ESR1: variants seen among roughly 807,000 people sequenced by gnomAD.
ESR1 encodes estrogen receptor 1.
A neutral mutation model predicts 52.7 loss-of-function variants in ESR1; 12 were observed. The ratio of observed to expected loss-of-function variants is 0.23; its 90% CI spans 0.15 to 0.37. The LOEUF is 0.37. Ranked by LOEUF, ESR1 falls within the 10% of genes least tolerant of loss-of-function variation. The pLI is 1.00. For synonymous variants in ESR1, 305 were observed against 316.8 expected (o/e 0.96, Z 0.39); for missense variants, 584 against 779.7 (o/e 0.75, Z 2.99).
intron 2 of ESR1, among the ~76,000 whole-genome samples, chr6:151,783,311 T>G (rs556775240): frequency 6.6e-6 from 1 of 152,350 alleles, no homozygotes; most frequent in African/African-American, 2.4e-5. Flanking sequence ...GGGGAGATGT[T>G]GGCTATTTTG....
intron 2 of ESR1, among the ~76,000 whole-genome samples, chr6:151,728,102 T>C (rs1562360595): frequency 1.3e-5 from 2 of 152,176 alleles, no homozygotes; most frequent in Non-Finnish European, 2.9e-5. Flanking sequence ...GCTTTGTGTT[T>C]AAAAGCTTGG....
chr6:152,002,811 A>G (rs1336987958), intron 4 of ESR1, among the ~76,000 whole-genome samples: 1 of 152,058 alleles, frequency 6.6e-6, no homozygotes, highest in Non-Finnish European at 1.5e-5. Context: ...GAACAAAAAT[A>G]AAAGACTAGT....
chr6:151,949,978 C>T (rs2128552649), intron 4 of ESR1, among the ~76,000 whole-genome samples: 1 of 152,292 alleles, frequency 6.6e-6, no homozygotes, highest in Admixed American at 6.5e-5. Flanking sequence ...GTAGGAGAGA[C>T]CCATGGCAGG....
At chr6:151,884,880 G>A (rs891106028) in intron 3 of ESR1, among the ~76,000 whole-genome samples, 1 of 152,102 alleles carries the variant, frequency 6.6e-6, no homozygotes, top group African/African-American at 2.4e-5. Flanking sequence ...CAGTTCCTGA[G>A]GCTCGAAGTT....
At chr6:151,679,083 T>G (rs1248399176) in intron 1 of ESR1, among the ~76,000 whole-genome samples, 1 of 152,224 alleles carries the variant, frequency 6.6e-6, no homozygotes, top group African/African-American at 2.4e-5. Flanking sequence ...TTTTCTTTAG[T>G]TGAACTCCAG....
chr6:151,698,131 C>T (rs771586117), intron 1 of ESR1, among the ~76,000 whole-genome samples: 12 of 151,438 alleles, frequency 7.9e-5, no homozygotes, highest in East Asian at 1.9e-4. Context: ...TTTGGGAGGC[C>T]GAGGTGGGTG....
intron 5 of ESR1, among the ~76,000 whole-genome samples, chr6:152,042,145 G>A (rs2045856401): frequency 6.6e-6 from 1 of 152,166 alleles, no homozygotes; most frequent in African/African-American, 2.4e-5. Flanking sequence ...TTTCTAGGTA[G>A]AGGCAGCTGT....
Position 151,932,635 on chromosome 6 carries a change from G to A in ESR1, c.761-11538G>A, listed in dbSNP as rs1482178154. Among the ~76,000 whole-genome samples the A allele has an allele frequency of 6.5e-3, 935 of 143,104 alleles. 13 individuals carry two copies. The highest frequency in any genetic ancestry group is 0.019 in the African/African-American group (729 of 38,364). The allele number at this position is 143,104 out of a possible 152,430, so 93.9% of individuals were successfully genotyped here. On this transcript the variant is annotated intron_variant, in intron 3 of 7. Transcript: ENST00000206249. ...CATCTTGAATTGATTTTTGTATAAG[G>A]TGTAAGGAAGGGATCCAGTTTCAGC...
chr6:152,083,031 A>G (rs1296470489), intron 6 of ESR1, among the ~76,000 whole-genome samples: 1 of 152,218 alleles, frequency 6.6e-6, no homozygotes, highest in Admixed American at 6.5e-5. Context: ...GAAAATGGTC[A>G]TACTGCCCAA....
At chr6:151,971,603 G>A (rs373918742) in intron 4 of ESR1, among the ~76,000 whole-genome samples, 8 of 152,196 alleles carry the variant, frequency 5.3e-5, no homozygotes, top group African/African-American at 1.9e-4. Context: ...AATTCTTTGA[G>A]CTGAATGATA....
In ESR1 at chr6:151,808,366, T is replaced by C; in HGVS notation, c.452+2T>C. 1 of 1,222,804 alleles carries C rather than the reference T, an allele frequency of 8.2e-7. No homozygotes were observed. The highest frequency in any genetic ancestry group is 5.7e-5 in the East Asian group (1 of 17,604). 75.7% of individuals were successfully genotyped at this position (1,222,804 alleles called of 1,614,324 possible). A position where few individuals can be genotyped will look rare whatever the true frequency, so the allele number is the denominator to read the frequency against. Reference sequence around the variant, plus strand: ...GGCCGGCCCGCCGGCATTCTACAGGTACCCGCGCCCGCGCCGCCCGTCGGG... The same window carrying C: ...GGCCGGCCCGCCGGCATTCTACAGGCACCCGCGCCCGCGCCGCCCGTCGGG... On this transcript the variant is annotated splice_donor_variant, in intron 1 of 7. Coordinates refer to ENST00000206249, the MANE Select transcript of ESR1 (RefSeq NM_000125.4). LOFTEE classifies it high-confidence loss of function.
chr6:151,733,025 C>A (rs1021941120), intron 2 of ESR1, among the ~76,000 whole-genome samples: 2 of 152,194 alleles, frequency 1.3e-5, no homozygotes, highest in African/African-American at 4.8e-5. Flanking sequence ...ACCTATGAAC[C>A]TGTGAAAAGC....
intron 3 of ESR1, among the ~76,000 whole-genome samples, chr6:151,940,659 A>C (rs1201880630): frequency 6.6e-6 from 1 of 152,180 alleles, no homozygotes; most frequent in Non-Finnish European, 1.5e-5. Flanking sequence ...TTCTTAGAGA[A>C]GTTTTCTTTG....
chr6:152,009,797 T>C (rs2042620054), intron 4 of ESR1, among the ~76,000 whole-genome samples: 1 of 152,174 alleles, frequency 6.6e-6, no homozygotes, highest in African/African-American at 2.4e-5. Context: ...TCCTAGCAGC[T>C]TTATTTGTAA....
At chr6:152,117,093 TTGAGCCACAGG>T (rs1277602426) in intron 6 of ESR1, among the ~76,000 whole-genome samples, 1 of 152,192 alleles carries the variant, frequency 6.6e-6, no homozygotes, top group African/African-American at 2.4e-5. Context: ...TATTGATTCT[TTGAGCCACAGG>T]TGAGCCAAAC....
chr6:152,123,315 C>T (rs1397845556), intron 6 of ESR1, among the ~76,000 whole-genome samples: 5 of 152,200 alleles, frequency 3.3e-5, no homozygotes, highest in Non-Finnish European at 7.3e-5. Flanking sequence ...AGTCTGTCTA[C>T]AGAACACTGG....
intron 2 of ESR1, among the ~76,000 whole-genome samples, chr6:151,753,354 C>G (rs540686965): frequency 1.5e-3 from 218 of 145,532 alleles, no homozygotes; most frequent in African/African-American, 5.4e-3. Context: ...AGGTCTGACT[C>G]TCGCCCAGGC....
rs9341069 is a variant in ESR1 at position 152,098,891 on chromosome 6, G to A, written c.1713G>A (p.Ala571=). The part of the protein sequence containing the change: ...EETDQSHLAT[A]GSTSSHSLQK... ...CGGACCAAAGCCACTTGGCCACTGCGGGCTCTACTTCATCGCATTCCTTGC... is the reference window on the plus strand; with the variant it reads ...CGGACCAAAGCCACTTGGCCACTGCAGGCTCTACTTCATCGCATTCCTTGC... The change falls in exon 8 of 8, where the codon GCG becomes GCA. Residue 571 remains alanine (A), a synonymous_variant. Transcript: ENST00000206249. This position sits in a 1 kb window ranked among gnomAD's most constrained non-coding sequence, Gnocchi z 5.1. 1.4e-4 allele frequency: 229 copies of A among 1,614,186 alleles called. 2 individuals carry two copies. In the Middle Eastern group the frequency reaches 1.6e-3, roughly 12 times the overall value.
At chr6:151,781,657 G>A (rs1786552043) in intron 2 of ESR1, among the ~76,000 whole-genome samples, 1 of 152,134 alleles carries the variant, frequency 6.6e-6, no homozygotes, top group South Asian at 2.1e-4. Flanking sequence ...TTTTCACTAA[G>A]AGGGCAAGAT....
Sources: allele counts gnomAD v4.1 joint callset (sites outside exome capture counted in the v4.1 genomes callset), GRCh38; gene constraint gnomAD v4.1.1; non-coding constraint Gnocchi (gnomAD v3.1); transcripts MANE v1.5; gene names NCBI Gene and HGNC (gene_info 2026-07-23, HGNC 2026-07-21).